Variants in TAFA2 observed in about 807,000 individuals in gnomAD.
TAFA2 encodes the protein TAFA chemokine like family member 2, also known as chemokine-like protein TAFA-2.
In TAFA2, 7 loss-of-function variants were observed where a neutral mutation model predicts 18.8. The ratio of observed to expected loss-of-function variants is 0.37; its 90% CI spans 0.21 to 0.70. The LOEUF is 0.70. TAFA2 is among the 30% of genes least tolerant of loss of function. TAFA2 has a pLI of 0.53. For synonymous variants in TAFA2, 60 were observed against 54.2 expected, an observed-to-expected ratio of 1.11 and a Z score of -0.47; for missense variants, 122 against 158.1, an observed-to-expected ratio of 0.77 and a Z score of 1.23.
intron 1 of TAFA2, among the ~76,000 whole-genome samples, chr12:62,047,182 A>G: frequency 6.6e-6 from 1 of 152,146 alleles, no homozygotes; most frequent in South Asian, 2.1e-4. Flanking sequence ...ATGTCTATTC[A>G]GCACCTAACT....
intron 1 of TAFA2, among the ~76,000 whole-genome samples, chr12:61,882,385 A>T (rs1047961113): frequency 2.0e-5 from 3 of 152,194 alleles, no homozygotes; most frequent in Admixed American, 6.5e-5. Context: ...AATACCAAAG[A>T]AGTCAGCTGG....
chr12:61,739,559 G>A (rs934111338), intron 4 of TAFA2, among the ~76,000 whole-genome samples: 2 of 151,784 alleles, frequency 1.3e-5, no homozygotes, highest in Non-Finnish European at 2.9e-5. Context: ...TACTGAATAG[G>A]ATCTCCTTAG....
chr12:62,068,420 G>A (rs1882546885), intron 1 of TAFA2, among the ~76,000 whole-genome samples: 2 of 152,012 alleles, frequency 1.3e-5, no homozygotes, highest in South Asian at 2.1e-4. Context: ...AAGATGAGAT[G>A]GTATTCATTC....
intron 1 of TAFA2, among the ~76,000 whole-genome samples, chr12:62,036,348 T>C (rs1172081719): frequency 6.6e-6 from 1 of 152,194 alleles, no homozygotes; most frequent in Non-Finnish European, 1.5e-5. Context: ...AGGAGGTTAA[T>C]TAAAAGAGCA....
In TAFA2 at chr12:61,871,666, G is replaced by A. The variant is rs370903243; in HGVS notation, c.-1-4240C>T. On this transcript the variant is annotated intron_variant, in intron 1 of 4. Transcript: ENST00000416284. ...AAGGATGTTGAAGTGAAAAGTTGTC[G>A]AAGTGGAGGACTGACGATTAAATCT... Among the ~76,000 whole-genome samples the A allele has an allele frequency of 9.8e-5, 15 of 152,286 alleles. No homozygotes were observed. The East Asian group carries it at 2.1e-3, about 22-fold the overall frequency.
chr12:61,899,282 C>A (rs1027278381), intron 1 of TAFA2, among the ~76,000 whole-genome samples: 3 of 152,122 alleles, frequency 2.0e-5, no homozygotes, highest in Non-Finnish European at 4.4e-5. Context: ...GTCACTTCCA[C>A]ATTTTCAAGT....
intron 1 of TAFA2, among the ~76,000 whole-genome samples, chr12:62,177,862 T>C (rs1357142223): frequency 6.6e-6 from 1 of 152,154 alleles, no homozygotes; most frequent in African/African-American, 2.4e-5. Context: ...TCCACCTCTT[T>C]TCTTCAAACT....
intron 1 of TAFA2, among the ~76,000 whole-genome samples, chr12:62,067,964 G>A (rs1310043081): frequency 6.7e-6 from 1 of 149,140 alleles, no homozygotes; most frequent in East Asian, 2.0e-4. Context: ...AATAATTTTT[G>A]TTTTTACTTT....
At chr12:61,771,076 A>G (rs1418783593) in intron 2 of TAFA2, among the ~76,000 whole-genome samples, 2 of 152,124 alleles carry the variant, frequency 1.3e-5, no homozygotes, top group Non-Finnish European at 2.9e-5. Context: ...ATGGACACCA[A>G]AAGTGAAGAG....
At chr12:61,897,953 C>A (rs1462760306) in intron 1 of TAFA2, among the ~76,000 whole-genome samples, 2 of 152,184 alleles carry the variant, frequency 1.3e-5, no homozygotes, top group Admixed American at 6.5e-5. Context: ...TTCCAAGATA[C>A]AATGGGGGTG....
At chr12:61,776,032 G>T (rs1246720400) in intron 2 of TAFA2, 1 of 374,082 alleles carries the variant, frequency 2.7e-6, no homozygotes, top group Non-Finnish European at 5.2e-6. Flanking sequence ...TATAAGAAAG[G>T]TGATATTGTA....
intron 1 of TAFA2, chr12:62,021,854 A>G: frequency 1.3e-6 from 1 of 785,832 alleles, no homozygotes; most frequent in South Asian, 1.3e-5. Context: ...AACTTCATGG[A>G]TTTAGTCCTC....
intron 1 of TAFA2, among the ~76,000 whole-genome samples, chr12:62,161,719 A>T (rs1920098): frequency 0.24 from 36,944 of 152,118 alleles, 4,988 homozygotes; most frequent in Non-Finnish European, 0.3. Context: ...AGGGTAAAAT[A>T]AAAAAAGACA....
chr12:62,004,271 T>C (rs1411239098), intron 1 of TAFA2, among the ~76,000 whole-genome samples: 2 of 152,168 alleles, frequency 1.3e-5, no homozygotes, highest in Non-Finnish European at 2.9e-5. Context: ...TTTAAAGTTT[T>C]AAGAAATGAG....
intron 1 of TAFA2, among the ~76,000 whole-genome samples, chr12:61,949,742 T>C (rs1162771617): frequency 6.6e-6 from 1 of 152,156 alleles, no homozygotes; most frequent in Non-Finnish European, 1.5e-5. Context: ...ATTTTTTTAA[T>C]ATGTTTTTGG....
chr12:61,841,651 T>C (rs116995718), intron 2 of TAFA2, among the ~76,000 whole-genome samples: 258 of 152,218 alleles, frequency 1.7e-3, no homozygotes, highest in Middle Eastern at 6.8e-3. Flanking sequence ...TCATACAAAT[T>C]TCAGGATTTT....
intron 1 of TAFA2, among the ~76,000 whole-genome samples, chr12:62,009,691 C>A (rs1441696046): frequency 6.6e-6 from 1 of 152,184 alleles, no homozygotes; most frequent in Non-Finnish European, 1.5e-5. Flanking sequence ...TTATTACTCA[C>A]AGAAAGTAAT....
chr12:61,761,059 C>T (rs893896975), intron 2 of TAFA2, among the ~76,000 whole-genome samples: 3 of 151,962 alleles, frequency 2.0e-5, no homozygotes, highest in Non-Finnish European at 4.4e-5. Context: ...CCTTATGTCT[C>T]ATTTCAACAA....
chr12:61,744,181 C>T (rs755671835), intron 4 of TAFA2, among the ~76,000 whole-genome samples: 8 of 152,074 alleles, frequency 5.3e-5, no homozygotes, highest in Non-Finnish European at 8.8e-5. Context: ...CAGAAGCAGT[C>T]GCCTAAAGAT....
Sources: gnomAD v4.1 joint callset for allele counts (sites outside exome capture counted in the v4.1 genomes callset) on GRCh38, gnomAD v4.1.1 for gene constraint, MANE v1.5 for transcripts, NCBI Gene and HGNC (gene_info 2026-07-23, HGNC 2026-07-21) for gene names.